PABPC4L: variants seen among roughly 807,000 people sequenced by gnomAD.
PABPC4L encodes polyadenylate-binding protein 4-like.
For synonymous variants in PABPC4L, 169 were observed against 164.1 expected, an observed-to-expected ratio of 1.03 and a Z score of -0.23; for missense variants, 452 against 451.4, an observed-to-expected ratio of 1.00 and a Z score of -0.01.
At chr4:134,004,333 C>A in the PABPC4L span, among the ~76,000 whole-genome samples, 1 of 151,738 alleles carries the variant, frequency 6.6e-6, no homozygotes, top group Admixed American at 6.6e-5. Flanking sequence ...GGGCGAAGGA[C>A]CTGAATAGAC....
chr4:134,091,575 A>T, the PABPC4L span, among the ~76,000 whole-genome samples: 2 of 151,968 alleles, frequency 1.3e-5, no homozygotes, highest in African/African-American at 4.8e-5. Context: ...CCTGAATTTA[A>T]TGTAAATTCC....
chr4:133,995,006 A>C, the PABPC4L span, among the ~76,000 whole-genome samples: 3 of 152,064 alleles, frequency 2.0e-5, no homozygotes. Flanking sequence ...AAGTCCAGTC[A>C]TGCACTCCCA....
chr4:134,169,156 T>C, the PABPC4L span, among the ~76,000 whole-genome samples: 1 of 152,052 alleles, frequency 6.6e-6, no homozygotes, highest in Non-Finnish European at 1.5e-5. Flanking sequence ...CATATGCAAA[T>C]TGAAAACTGT....
the PABPC4L span, among the ~76,000 whole-genome samples, chr4:134,046,831 A>T: frequency 2.0e-5 from 3 of 152,188 alleles, no homozygotes; most frequent in Non-Finnish European, 2.9e-5. Context: ...CATACAACAC[A>T]TGTTTCTGTG....
At chr4:134,144,063 C>G in the PABPC4L span, among the ~76,000 whole-genome samples, 3 of 151,536 alleles carry the variant, frequency 2.0e-5, no homozygotes, top group African/African-American at 7.3e-5. Flanking sequence ...TGAAATAGTA[C>G]AAGATTTGGA....
chr4:134,144,549 G>A, the PABPC4L span, among the ~76,000 whole-genome samples: 1 of 146,944 alleles, frequency 6.8e-6, no homozygotes, highest in East Asian at 2.0e-4. Context: ...ACAGCTTAAT[G>A]AGCTTTCTCT....
the PABPC4L span, among the ~76,000 whole-genome samples, chr4:134,121,431 T>C: frequency 2.6e-5 from 4 of 151,708 alleles, no homozygotes; most frequent in African/African-American, 9.7e-5. Flanking sequence ...CAATTTTTAA[T>C]AGAAATTTTG....
chr4:134,042,590 G>A, the PABPC4L span, among the ~76,000 whole-genome samples: 18 of 152,106 alleles, frequency 1.2e-4, no homozygotes, highest in African/African-American at 2.4e-4. Context: ...AGTACAATTC[G>A]AGGGGGAAGG....
chr4:133,991,733 C>T, the PABPC4L span, among the ~76,000 whole-genome samples: 1 of 152,098 alleles, frequency 6.6e-6, no homozygotes, highest in Non-Finnish European at 1.5e-5. Context: ...AGCAGAGGAA[C>T]CTTGCCAGTT....
the PABPC4L span, among the ~76,000 whole-genome samples, chr4:134,054,252 G>GTA: frequency 0.028 from 2,618 of 93,614 alleles, 56 homozygotes; most frequent in South Asian, 0.038. Flanking sequence ...AGTTGTATAT[G>GTA]TATATATATA....
At chr4:134,176,451 A>C in the PABPC4L span, among the ~76,000 whole-genome samples, 1 of 152,124 alleles carries the variant, frequency 6.6e-6, no homozygotes, top group Non-Finnish European at 1.5e-5. Context: ...CAGCCTCGGC[A>C]AAACAGTGAG....
the PABPC4L span, among the ~76,000 whole-genome samples, chr4:134,130,844 T>C: frequency 6.6e-6 from 1 of 152,064 alleles, no homozygotes; most frequent in Non-Finnish European, 1.5e-5. Context: ...TAATCCACCA[T>C]GATCCAGTGG....
chr4:134,049,472 T>G, the PABPC4L span, among the ~76,000 whole-genome samples: 1 of 152,136 alleles, frequency 6.6e-6, no homozygotes, highest in African/African-American at 2.4e-5. Context: ...CCTATTGTAT[T>G]ATGTATATAA....
the PABPC4L span, among the ~76,000 whole-genome samples, chr4:134,080,979 T>C: frequency 2.6e-5 from 4 of 152,164 alleles, no homozygotes; most frequent in African/African-American, 9.7e-5. Flanking sequence ...GATCACTTAT[T>C]TTATGAGTCA....
chr4:133,969,172 A>G, the PABPC4L span, among the ~76,000 whole-genome samples: 1 of 152,150 alleles, frequency 6.6e-6, no homozygotes, highest in Non-Finnish European at 1.5e-5. Flanking sequence ...CTCTATATAC[A>G]CTTGATACAA....
chr4:134,066,206 T>C, the PABPC4L span, among the ~76,000 whole-genome samples: 1 of 152,148 alleles, frequency 6.6e-6, no homozygotes, highest in Admixed American at 6.5e-5. Context: ...TTTGTTCATG[T>C]CATCTATGAT....
At chr4:133,999,463 A>T in the PABPC4L span, among the ~76,000 whole-genome samples, 4 of 152,048 alleles carry the variant, frequency 2.6e-5, no homozygotes, top group Non-Finnish European at 4.4e-5. Context: ...TGTTGGTTTT[A>T]TAATTTTTGC....
the PABPC4L span, among the ~76,000 whole-genome samples, chr4:134,190,174 A>G: frequency 6.6e-6 from 1 of 152,042 alleles, no homozygotes; most frequent in Non-Finnish European, 1.5e-5. Flanking sequence ...TCTGCTTGTG[A>G]GCCTCTGTTC....
At chr4:134,170,512 C>A in the PABPC4L span, among the ~76,000 whole-genome samples, 5 of 152,216 alleles carry the variant, frequency 3.3e-5, no homozygotes, top group East Asian at 9.7e-4. Context: ...ATGCTGGCAT[C>A]TGCTCAGGTT....
Sources: gnomAD v4.1 joint callset for allele counts (sites outside exome capture counted in the v4.1 genomes callset) on GRCh38, gnomAD v4.1.1 for gene constraint, MANE v1.5 for transcripts, NCBI Gene and HGNC (gene_info 2026-07-23, HGNC 2026-07-21) for gene names.